The following CSMD1 variants were observed in gnomAD, a reference collection of about 807,000 sequenced individuals.
CSMD1 encodes CUB and sushi domain-containing protein 1.
CSMD1 carries 213 observed loss-of-function variants against 417.5 expected under a neutral mutation model. The observed-to-expected ratio is 0.51, with a 90% CI of 0.46 to 0.57. The LOEUF is 0.57. CSMD1 is among the 20% of genes least tolerant of loss of function. CSMD1 has a pLI of 0.00. For missense variants in CSMD1, 6,923 were observed against 4,529.7 expected (o/e 1.53, Z -15.17); for synonymous variants, 2,862 against 1,736.8 (o/e 1.65, Z -16.11).
At chr8:3,354,052 T>C (rs893601500) in intron 21 of CSMD1, among the ~76,000 whole-genome samples, 3 of 152,192 alleles carry the variant, frequency 2.0e-5, no homozygotes, top group Admixed American at 1.3e-4. Context: ...TCCATAGCAT[T>C]AACCAAAATG....
At chr8:4,772,062 T>C (rs1796626477) in intron 1 of CSMD1, among the ~76,000 whole-genome samples, 1 of 152,178 alleles carries the variant, frequency 6.6e-6, no homozygotes, top group Non-Finnish European at 1.5e-5. Flanking sequence ...AAACCAGGTA[T>C]CGGCAGGCTG....
intron 2 of CSMD1, among the ~76,000 whole-genome samples, chr8:4,615,554 C>T (rs1464294529): frequency 6.6e-6 from 1 of 152,100 alleles, no homozygotes; most frequent in East Asian, 1.9e-4. Context: ...TGTGTGAGGG[C>T]CAATAGGTTT....
chr8:4,828,459 T>G (rs1170775560), intron 1 of CSMD1, among the ~76,000 whole-genome samples: 1 of 152,102 alleles, frequency 6.6e-6, no homozygotes, highest in African/African-American at 2.4e-5. Context: ...TCAGCCAAAT[T>G]CAGGGAGCTT....
intron 42 of CSMD1, among the ~76,000 whole-genome samples, chr8:3,116,908 T>G (rs1816908160): frequency 6.6e-6 from 1 of 152,102 alleles, no homozygotes; most frequent in African/African-American, 2.4e-5. Context: ...ACTTAAAGAT[T>G]TAAAAAATGT....
chr8:4,772,419 T>A (rs1796648133), intron 1 of CSMD1, among the ~76,000 whole-genome samples: 1 of 152,220 alleles, frequency 6.6e-6, no homozygotes, highest in African/African-American at 2.4e-5. Context: ...TAATCCAGAA[T>A]GATCTCCCTA....
chr8:3,652,259 C>T (rs1797895396), intron 7 of CSMD1, among the ~76,000 whole-genome samples: 1 of 151,334 alleles, frequency 6.6e-6, no homozygotes, highest in African/African-American at 2.4e-5. Flanking sequence ...ATTGCACTTA[C>T]CACCATCAGT....
chr8:3,049,160 G>A (rs1267668904), intron 50 of CSMD1, among the ~76,000 whole-genome samples: 2 of 152,116 alleles, frequency 1.3e-5, no homozygotes, highest in East Asian at 3.9e-4. Flanking sequence ...AGTCTTCTTT[G>A]AAGATAGTCT....
intron 25 of CSMD1, among the ~76,000 whole-genome samples, chr8:3,301,642 G>C (rs1475741700): frequency 2.0e-5 from 3 of 152,192 alleles, no homozygotes; most frequent in African/African-American, 7.2e-5. Context: ...TCAGAGATCA[G>C]TCAAGCTTTC....
chr8:3,867,269 A>G (rs540289298), intron 5 of CSMD1, among the ~76,000 whole-genome samples: 2 of 152,188 alleles, frequency 1.3e-5, no homozygotes, highest in Non-Finnish European at 2.9e-5. Flanking sequence ...AGACCATACC[A>G]TTACATATCT....
chr8:4,402,237 T>C (rs1421547527), intron 3 of CSMD1, among the ~76,000 whole-genome samples: 2 of 152,096 alleles, frequency 1.3e-5, no homozygotes, highest in Non-Finnish European at 2.9e-5. Flanking sequence ...GGGGGCTCAT[T>C]CCCTCCAGGA....
intron 5 of CSMD1, among the ~76,000 whole-genome samples, chr8:3,849,156 T>C (rs1349215141): frequency 3.3e-5 from 5 of 152,072 alleles, no homozygotes; most frequent in Non-Finnish European, 7.3e-5. Flanking sequence ...AATGGAGGTG[T>C]CTTAAACGAT....
intron 1 of CSMD1, among the ~76,000 whole-genome samples, chr8:4,948,213 G>T (rs1209854755): frequency 6.6e-6 from 1 of 151,900 alleles, no homozygotes; most frequent in Non-Finnish European, 1.5e-5. Flanking sequence ...ATATATACGA[G>T]TTTAGTAGGT....
chr8:3,828,076 C>A (rs535195631), intron 5 of CSMD1, among the ~76,000 whole-genome samples: 3 of 152,296 alleles, frequency 2.0e-5, no homozygotes, highest in African/African-American at 7.2e-5. Flanking sequence ...TTATGCCACA[C>A]AGAGCTTAAT....
Position 3,161,164 on chromosome 8 carries a change from G to A in CSMD1, c.5844+995C>T, listed in dbSNP as rs565486722. Among the ~76,000 whole-genome samples, 3 of 152,138 alleles carry A rather than the reference G, an allele frequency of 2.0e-5. No individual in the cohort carries two copies. The East Asian group carries it at 5.8e-4, about 29-fold the overall frequency. ...TTTTGATTATCAATTTTTATTGCTG[G>A]CAGAGAGAATTATATAATAATTATG... On this transcript the variant is annotated intron_variant, in intron 38 of 69. Transcript: ENST00000635120.
chr8:4,160,689 C>T (rs1418483936), intron 3 of CSMD1, among the ~76,000 whole-genome samples: 1 of 152,246 alleles, frequency 6.6e-6, no homozygotes, highest in Non-Finnish European at 1.5e-5. Flanking sequence ...ATGTCCCACA[C>T]TCCATGTCTT....
chr8:4,680,282 A>T (rs1805954946), intron 1 of CSMD1, among the ~76,000 whole-genome samples: 1 of 152,194 alleles, frequency 6.6e-6, no homozygotes, highest in Non-Finnish European at 1.5e-5. Flanking sequence ...CTAATATTTT[A>T]CAAGGAAAAT....
chr8:4,327,695 A>G (rs554072162), intron 3 of CSMD1, among the ~76,000 whole-genome samples: 2 of 152,220 alleles, frequency 1.3e-5, no homozygotes, highest in African/African-American at 2.4e-5. Flanking sequence ...TTGTTTACAC[A>G]TAGGTATTAG....
At position 4,098,280 on chromosome 8, in the gene CSMD1, A is replaced by G. The variant is rs181002126; in HGVS notation, c.416-66181T>C. Among the ~76,000 whole-genome samples, 5 of 152,326 alleles carry G rather than the reference A, an allele frequency of 3.3e-5. No individual in the cohort carries two copies. The East Asian group carries it at 7.7e-4, about 23-fold the overall frequency. ...ACTTCAGATGTAATGGCATCAGAACAAAAGGCAAGTAATTTGGAACAAGAA... is the reference window on the plus strand; with the variant it reads ...ACTTCAGATGTAATGGCATCAGAACGAAAGGCAAGTAATTTGGAACAAGAA... On this transcript the variant is annotated intron_variant, in intron 3 of 69. Coordinates refer to ENST00000635120, the MANE Select transcript of CSMD1 (RefSeq NM_033225.6).
At chr8:4,296,084 T>C (rs1797666510) in intron 3 of CSMD1, among the ~76,000 whole-genome samples, 1 of 152,162 alleles carries the variant, frequency 6.6e-6, no homozygotes, top group Admixed American at 6.6e-5. Flanking sequence ...GTGCTCTCTG[T>C]TGTTTTTCTC....
Sources: gnomAD v4.1 joint callset for allele counts (sites outside exome capture counted in the v4.1 genomes callset) on GRCh38, gnomAD v4.1.1 for gene constraint, MANE v1.5 for transcripts, NCBI Gene and HGNC (gene_info 2026-07-23, HGNC 2026-07-21) for gene names.